Variants in NPEPPS observed in about 807,000 individuals in gnomAD.
NPEPPS encodes the protein puromycin-sensitive aminopeptidase.
In NPEPPS, 14 loss-of-function variants were observed where a neutral mutation model predicts 115.5. The ratio of observed to expected loss-of-function variants is 0.12; its 90% CI spans 0.08 to 0.19. NPEPPS has a LOEUF of 0.19. Ranked by LOEUF, NPEPPS falls within the 10% of genes least tolerant of loss-of-function variation. The pLI, the probability that NPEPPS is intolerant of heterozygous loss-of-function variation, is 1.00. For synonymous variants in NPEPPS, 285 were observed against 390.6 expected, an observed-to-expected ratio of 0.73 and a Z score of 3.19; for missense variants, 523 against 1,110.8, an observed-to-expected ratio of 0.47 and a Z score of 7.52.
chr17:47,562,387 G>A (rs2661242), intron 2 of NPEPPS, among the ~76,000 whole-genome samples: 230 of 150,890 alleles, frequency 1.5e-3, no homozygotes, highest in African/African-American at 5.3e-3. Flanking sequence ...TGGTGGTATC[G>A]TCTGCAGAAC....
intron 1 of NPEPPS, among the ~76,000 whole-genome samples, chr17:47,535,392 A>C (rs1031751141): frequency 6.7e-6 from 1 of 150,220 alleles, no homozygotes; most frequent in Non-Finnish European, 1.5e-5. Context: ...TCTACTAAAA[A>C]TACAAAAAAT....
At chr17:47,578,228 C>T (rs1911653244) in intron 3 of NPEPPS, among the ~76,000 whole-genome samples, 1 of 149,340 alleles carries the variant, frequency 6.7e-6, no homozygotes. Context: ...GAGAGAAAGT[C>T]ACAACATTTT....
chr17:47,535,347 C>T (rs1023000436), intron 1 of NPEPPS, among the ~76,000 whole-genome samples: 1 of 147,596 alleles, frequency 6.8e-6, no homozygotes, highest in Non-Finnish European at 1.5e-5. Context: ...GTCAGGAGAT[C>T]GAGACCATCC....
At chr17:47,546,086 G>C in intron 2 of NPEPPS, 93 bp downstream of exon 2, 1 of 1,516,890 alleles carries the variant, frequency 6.6e-7, no homozygotes, top group Non-Finnish European at 8.9e-7. Flanking sequence ...GAGAGAGAGA[G>C]AGAGAGACAT....
chr17:47,562,785 T>TAAAAAA (rs3065310), intron 2 of NPEPPS, among the ~76,000 whole-genome samples: 1 of 146,354 alleles, frequency 6.8e-6, no homozygotes, highest in Non-Finnish European at 1.5e-5. Context: ...TAGTTAATTG[T>TAAAAAA]AAAAAAAAAA....
chr17:47,611,092 T>C (rs1429033422), intron 17 of NPEPPS, among the ~76,000 whole-genome samples: 2 of 151,616 alleles, frequency 1.3e-5, no homozygotes, highest in Non-Finnish European at 2.9e-5. Context: ...GACCTCATGA[T>C]CCGCCTGCCT....
At chr17:47,590,102 G>A (rs929600870) in intron 9 of NPEPPS, among the ~76,000 whole-genome samples, 8 of 152,078 alleles carry the variant, frequency 5.3e-5, no homozygotes, top group African/African-American at 1.2e-4. Context: ...AGGCTGAGGC[G>A]GGAGGATTGC....
chr17:47,587,256 A>G lies in NPEPPS; in HGVS notation c.1007A>G (p.Lys336Arg). Residue 336 changes from lysine to arginine, a missense_variant, in exon 9 of 23, where the codon AAA becomes AGA. By Grantham distance (26) the Lys-to-Arg change is conservative. Transcript: ENST00000322157. Reference protein sequence around the residue: ...YRETALLIDPKNSCSSSRQWV... With the variant: ...YRETALLIDPRNSCSSSRQWV... ...GAGACTGCATTGCTTATTGATCCAA[A>G]AAATTCCTGTTCTTCATCCCGCCAG... The G allele has an allele frequency of 6.2e-7, 1 of 1,602,478 alleles. No homozygotes were observed. The highest frequency in any genetic ancestry group is 8.5e-7 in the Non-Finnish European group (1 of 1,175,712).
chr17:47,531,699 C>T (rs1317193083), intron 1 of NPEPPS, 144 bp downstream of exon 1: 1 of 871,274 alleles, frequency 1.1e-6, no homozygotes, highest in Non-Finnish European at 1.4e-6. Flanking sequence ...TCGGCGTGCT[C>T]TGCCTTGCTC....
intron 9 of NPEPPS, among the ~76,000 whole-genome samples, chr17:47,590,501 ATAT>A: frequency 6.6e-6 from 1 of 151,994 alleles, no homozygotes; most frequent in South Asian, 2.1e-4. Context: ...TGACCCTCAG[ATAT>A]AATTCTCATA....
chr17:47,532,611 A>ACTGCATTC (rs1047413884), intron 1 of NPEPPS, among the ~76,000 whole-genome samples: 3 of 146,106 alleles, frequency 2.1e-5, no homozygotes, highest in Non-Finnish European at 3.0e-5. Flanking sequence ...AGATCGCGCC[A>ACTGCATTC]CTGCATTCCT....
At chr17:47,538,578 G>T (rs369461501) in intron 1 of NPEPPS, among the ~76,000 whole-genome samples, 199 of 136,716 alleles carry the variant, frequency 1.5e-3, no homozygotes, top group Non-Finnish European at 2.5e-3. Context: ...CGCCAAGGCC[G>T]GAGTGCAGTG....
intron 12 of NPEPPS, among the ~76,000 whole-genome samples, chr17:47,593,697 C>T (rs1291043426): frequency 6.6e-6 from 1 of 152,216 alleles, no homozygotes; most frequent in Non-Finnish European, 1.5e-5. Flanking sequence ...ACAGTATGTC[C>T]TAGGCTATGT....
chr17:47,548,003 G>A (rs1909349914), intron 2 of NPEPPS, among the ~76,000 whole-genome samples: 1 of 152,132 alleles, frequency 6.6e-6, no homozygotes, highest in Admixed American at 6.6e-5. Context: ...TCCAGCCTGG[G>A]CGACAGAGCG....
intron 17 of NPEPPS, among the ~76,000 whole-genome samples, chr17:47,608,649 A>C (rs190820798): frequency 8.1e-4 from 123 of 152,210 alleles, no homozygotes; most frequent in Admixed American, 6.6e-3. Flanking sequence ...CCAGTGACTG[A>C]GTGTAAGTAG....
intron 3 of NPEPPS, among the ~76,000 whole-genome samples, chr17:47,575,818 C>T (rs1456293312): frequency 6.6e-6 from 1 of 151,718 alleles, no homozygotes; most frequent in Non-Finnish European, 1.5e-5. Flanking sequence ...CTGTGTTAGC[C>T]AGGATGGTCT....
intron 17 of NPEPPS, among the ~76,000 whole-genome samples, chr17:47,606,461 CTT>C (rs113101308): frequency 4.2e-5 from 6 of 143,624 alleles, no homozygotes; most frequent in Non-Finnish European, 3.1e-5. Context: ...GTCTTGTCTT[CTT>C]TTTTTTTTTT....
chr17:47,537,853 T>G (rs1218275239), intron 1 of NPEPPS, among the ~76,000 whole-genome samples: 1 of 152,016 alleles, frequency 6.6e-6, no homozygotes, highest in Non-Finnish European at 1.5e-5. Context: ...GACCCCAAAC[T>G]ATGTACTATA....
At chr17:47,615,073 CTTTT>C (rs60829784) in intron 19 of NPEPPS, among the ~76,000 whole-genome samples, 1 of 122,492 alleles carries the variant, frequency 8.2e-6, no homozygotes, top group Non-Finnish European at 1.7e-5. Context: ...TACTTTCTTT[CTTTT>C]TTTTTTTTTT....
Sources: gnomAD v4.1 joint callset for allele counts (sites outside exome capture counted in the v4.1 genomes callset) on GRCh38, gnomAD v4.1.1 for gene constraint, MANE v1.5 for transcripts, NCBI Gene and HGNC (gene_info 2026-07-23, HGNC 2026-07-21) for gene names.